Variants in ETV6 observed in about 807,000 individuals in gnomAD.
The protein encoded by ETV6 is ETS variant transcription factor 6.
ETV6 carries 16 observed loss-of-function variants against 51.1 expected under a neutral mutation model. That is an observed-to-expected ratio of 0.31 (90% CI 0.21 to 0.48). The LOEUF (loss-of-function observed/expected upper bound fraction) is 0.48. Among genes scored for constraint, ETV6 ranks in the 20% least tolerant of loss-of-function variants. The probability of loss-of-function intolerance (pLI) is 0.99; values close to 1 mark genes in which losing one functional copy is unlikely to be tolerated. For missense variants in ETV6, 458 were observed against 594.8 expected (o/e 0.77, Z 2.39); for synonymous variants, 240 against 224.1 (o/e 1.07, Z -0.64).
intron 4 of ETV6, among the ~76,000 whole-genome samples, chr12:11,864,954 G>A (rs970441903): frequency 6.6e-6 from 1 of 152,046 alleles, no homozygotes; most frequent in South Asian, 2.1e-4. Context: ...AATTTCCCTT[G>A]TAAATAGTAT....
At chr12:11,783,334 G>T (rs1166190968) in intron 2 of ETV6, among the ~76,000 whole-genome samples, 2 of 152,174 alleles carry the variant, frequency 1.3e-5, no homozygotes, top group Non-Finnish European at 2.9e-5. Flanking sequence ...GTAAGATGAG[G>T]ACTGAAGGTG....
At chr12:11,700,524 A>G (rs959668845) in intron 1 of ETV6, among the ~76,000 whole-genome samples, 30 of 152,246 alleles carry the variant, frequency 2.0e-4, no homozygotes, top group African/African-American at 7.0e-4. Flanking sequence ...CCCCAAAAAC[A>G]TAACTACTAA....
intron 4 of ETV6, among the ~76,000 whole-genome samples, chr12:11,861,198 C>A (rs1021204382): frequency 6.6e-6 from 1 of 152,136 alleles, no homozygotes; most frequent in Non-Finnish European, 1.5e-5. Context: ...CAGCAGGTAA[C>A]GACAGGTCCC....
chr12:11,653,066 C>T (rs1350941716), intron 1 of ETV6, among the ~76,000 whole-genome samples: 1 of 151,758 alleles, frequency 6.6e-6, no homozygotes, highest in African/African-American at 2.4e-5. Context: ...TGTCCTACAA[C>T]CCTTGAAGGT....
At chr12:11,768,677 G>A (rs943990855) in intron 2 of ETV6, among the ~76,000 whole-genome samples, 11 of 152,310 alleles carry the variant, frequency 7.2e-5, no homozygotes, top group East Asian at 1.9e-4. Context: ...GCAACTTTCC[G>A]TTGTGGAAAA....
In ETV6 at chr12:11,884,455, G is replaced by A. The variant is rs1448353830; in HGVS notation, c.1020G>A (p.Leu340=). The change falls in exon 6 of 8, where the codon CTG becomes CTA. Residue 340 remains leucine, a synonymous_variant. Coordinates refer to ENST00000396373, the MANE Select transcript of ETV6 (RefSeq NM_001987.5). ...CCTTTTCCTCTGTAGACTGTAGACT[G>A]CTTTGGGATTACGTCTATCAGTTGC... ...MPIGRIADCR[L]LWDYVYQLLS... is the part of the protein sequence containing the mutation. The A allele has an allele frequency of 6.2e-7, 1 of 1,614,196 alleles. No homozygotes were observed. Among genetic ancestry groups the A allele is most frequent in the South Asian group, 1.1e-5 (1 of 91,076 alleles).
intron 2 of ETV6, among the ~76,000 whole-genome samples, chr12:11,812,646 G>A (rs1945931240): frequency 2.0e-5 from 3 of 152,012 alleles, no homozygotes; most frequent in South Asian, 2.1e-4. Context: ...CCCCGCCACC[G>A]CCCTCAGTAT....
chr12:11,697,977 CT>C (rs1430124938), intron 1 of ETV6, among the ~76,000 whole-genome samples: 2 of 152,068 alleles, frequency 1.3e-5, no homozygotes, highest in Non-Finnish European at 2.9e-5. Context: ...GCTGACTTGC[CT>C]AATTTGAAAA....
intron 5 of ETV6, among the ~76,000 whole-genome samples, chr12:11,875,039 G>A (rs1380772216): frequency 2.4e-5 from 3 of 122,892 alleles, no homozygotes; most frequent in Non-Finnish European, 3.8e-5. Context: ...AAAACTTAAA[G>A]TATAATTAAA....
chr12:11,731,847 G>A (rs1865605884), intron 1 of ETV6, among the ~76,000 whole-genome samples: 1 of 152,122 alleles, frequency 6.6e-6, no homozygotes, highest in South Asian at 2.1e-4. Flanking sequence ...AATGCATTTT[G>A]TCTGTCTGTA....
intron 1 of ETV6, among the ~76,000 whole-genome samples, chr12:11,697,839 A>G (rs1864906157): frequency 6.6e-6 from 1 of 152,142 alleles, no homozygotes; most frequent in East Asian, 1.9e-4. Flanking sequence ...TAATCTGGGC[A>G]TCTGACTTGT....
rs554575121 is a variant in ETV6, at chr12:11,884,372, T to A, written c.1010-73T>A. 858 of 1,552,158 alleles carry A rather than the reference T, an allele frequency of 5.5e-4. 4 individuals carry two copies. Among genetic ancestry groups the A allele is most frequent in the Non-Finnish European group, 6.8e-4 (774 of 1,130,318 alleles). Reference sequence around the variant, plus strand: ...TAGGCAGAAGCAGTTGCTGGATTCTTTTTTGATTCTTCTGGTTAGTGCCTC... The same window carrying A: ...TAGGCAGAAGCAGTTGCTGGATTCTATTTTGATTCTTCTGGTTAGTGCCTC... On this transcript the variant is annotated intron_variant, in intron 5 of 7. Coordinates refer to ENST00000396373, the MANE Select transcript of ETV6 (RefSeq NM_001987.5).
At chr12:11,695,602 T>A (rs1286289176) in intron 1 of ETV6, among the ~76,000 whole-genome samples, 1 of 152,248 alleles carries the variant, frequency 6.6e-6, no homozygotes, top group Non-Finnish European at 1.5e-5. Context: ...TGTCTTTTTC[T>A]CAACCGGGTT....
chr12:11,871,275 G>A (rs1480252254), intron 5 of ETV6, among the ~76,000 whole-genome samples: 1 of 141,520 alleles, frequency 7.1e-6, no homozygotes, highest in Non-Finnish European at 1.5e-5. Context: ...TGCAAGCTCC[G>A]CCTCCCGGGT....
intron 1 of ETV6, among the ~76,000 whole-genome samples, chr12:11,718,244 T>C (rs565627311): frequency 4.7e-4 from 72 of 152,280 alleles, no homozygotes; most frequent in African/African-American, 1.7e-3. Context: ...TCCCCTGTGC[T>C]GAGCAGCCCC....
At chr12:11,652,164 A>G (rs1863918519) in intron 1 of ETV6, among the ~76,000 whole-genome samples, 1 of 152,202 alleles carries the variant, frequency 6.6e-6, no homozygotes, top group African/African-American at 2.4e-5. Context: ...AATAGATTTA[A>G]TGTTCTTTAC....
intron 2 of ETV6, among the ~76,000 whole-genome samples, chr12:11,794,654 T>C (rs1945651035): frequency 6.6e-6 from 1 of 152,248 alleles, no homozygotes; most frequent in Admixed American, 6.5e-5. Flanking sequence ...CCTTTTATAC[T>C]CTATCAGTGC....
At chr12:11,733,289 T>C (rs1865636143) in intron 1 of ETV6, among the ~76,000 whole-genome samples, 1 of 150,890 alleles carries the variant, frequency 6.6e-6, no homozygotes, top group Non-Finnish European at 1.5e-5. Flanking sequence ...GTGCCTGTAG[T>C]CCCAGCTGCT....
At chr12:11,774,278 C>T (rs1449383095) in intron 2 of ETV6, among the ~76,000 whole-genome samples, 1 of 152,142 alleles carries the variant, frequency 6.6e-6, no homozygotes, top group Middle Eastern at 3.2e-3. Context: ...CAACAAACTG[C>T]CTGGATTTCA....
Sources: allele counts gnomAD v4.1 joint callset (sites outside exome capture counted in the v4.1 genomes callset), GRCh38; gene constraint gnomAD v4.1.1; transcripts MANE v1.5; gene names NCBI Gene and HGNC (gene_info 2026-07-23, HGNC 2026-07-21).